The following COL11A1 variants were observed in gnomAD, a reference collection of about 807,000 sequenced individuals.
COL11A1 encodes collagen alpha-1(XI) chain.
In COL11A1, 74 loss-of-function variants were observed where a neutral mutation model predicts 265.2. That is an observed-to-expected ratio of 0.28 (90% CI 0.23 to 0.34). The LOEUF (loss-of-function observed/expected upper bound fraction) is 0.34. COL11A1 is among the 10% of genes least tolerant of loss of function. The pLI is 1.00. For synonymous variants in COL11A1, 816 were observed against 727.6 expected, an observed-to-expected ratio of 1.12 and a Z score of -1.96; for missense variants, 2,165 against 2,263.6, an observed-to-expected ratio of 0.96 and a Z score of 0.88.
intron 4 of COL11A1, among the ~76,000 whole-genome samples, chr1:103,044,079 T>C (rs1008378496): frequency 6.6e-6 from 1 of 151,768 alleles, no homozygotes; most frequent in African/African-American, 2.4e-5. Flanking sequence ...TCTTAAGAAG[T>C]AACTACCATA....
At chr1:103,027,396 A>AAAATATATATAT (rs1421941501) in intron 5 of COL11A1, among the ~76,000 whole-genome samples, 39 of 92,062 alleles carry the variant, frequency 4.2e-4, no homozygotes, top group East Asian at 8.9e-4. Flanking sequence ...TTAAAACTCT[A>AAAATATATATAT]ATATATATAT....
intron 54 of COL11A1, among the ~76,000 whole-genome samples, chr1:102,906,673 T>C (rs1654021082): frequency 1.3e-5 from 2 of 152,196 alleles, no homozygotes; most frequent in African/African-American, 2.4e-5. Context: ...GTGCTGGGAT[T>C]ACAGGTGTCA....
At chr1:103,091,286 T>A (rs949541894) in intron 1 of COL11A1, among the ~76,000 whole-genome samples, 6 of 152,206 alleles carry the variant, frequency 3.9e-5, no homozygotes, top group African/African-American at 1.4e-4. Flanking sequence ...CCATGAATTA[T>A]ATATGAATAT....
Position 103,050,764 on chromosome 1 carries a change from T to C in COL11A1, c.652-19520A>G, listed in dbSNP as rs371497193. Among the ~76,000 whole-genome samples the C allele has an allele frequency of 2.0e-4, 31 of 152,298 alleles. No homozygotes were observed. In the East Asian group the frequency reaches 2.9e-3, roughly 14 times the overall value. On this transcript the variant is annotated intron_variant, in intron 4 of 66. Transcript: ENST00000370096. ...CCTTTGGTCTTTGATGATGGTGACG[T>C]ACAGATGGGTTTTTGGTGTGGATGT...
At chr1:103,023,850 T>C (rs1667304592) in intron 7 of COL11A1, among the ~76,000 whole-genome samples, 1 of 151,670 alleles carries the variant, frequency 6.6e-6, no homozygotes, top group Admixed American at 6.6e-5. Flanking sequence ...CACCAAAGAG[T>C]TCTTTAAAGC....
chr1:103,002,092 A>T, intron 23 of COL11A1, 123 bp from the exon 24 acceptor site: 1 of 845,774 alleles, frequency 1.2e-6, no homozygotes, highest in Non-Finnish European at 2.0e-6. Flanking sequence ...ATATTCCCAT[A>T]CACCCCAAGG....
At chr1:103,059,503 TAC>T (rs2102188523) in intron 4 of COL11A1, among the ~76,000 whole-genome samples, 1 of 152,236 alleles carries the variant, frequency 6.6e-6, no homozygotes, top group East Asian at 1.9e-4. Context: ...GAAAAGAAAC[TAC>T]AGTTTAAAGA....
intron 37 of COL11A1, among the ~76,000 whole-genome samples, chr1:102,967,319 C>T (rs1028979421): frequency 1.5e-5 from 2 of 134,778 alleles, no homozygotes; most frequent in Admixed American, 8.4e-5. Flanking sequence ...CGGCTCACTG[C>T]AAGCTCCGCC....
chr1:102,890,286 C>T (rs1204419110), intron 58 of COL11A1, among the ~76,000 whole-genome samples, 165 bp downstream of exon 58: 1 of 152,026 alleles, frequency 6.6e-6, no homozygotes, highest in Non-Finnish European at 1.5e-5. Context: ...TGCATATTTT[C>T]TCCCCTCTAC....
chr1:103,078,637 T>C (rs1672163174), intron 3 of COL11A1, 21 bp downstream of exon 3: 1 of 1,597,244 alleles, frequency 6.3e-7, no homozygotes. Context: ...AGCTAAAACA[T>C]TGTATTATTT....
At chr1:103,048,742 A>G (rs773053773) in intron 4 of COL11A1, among the ~76,000 whole-genome samples, 84 of 152,134 alleles carry the variant, frequency 5.5e-4, no homozygotes, top group Non-Finnish European at 1.1e-3. Flanking sequence ...TTTTAGTGCT[A>G]TAAATTTCCC....
chr1:102,888,477 G>T, intron 62 of COL11A1, 100 bp downstream of exon 62: 1 of 1,094,070 alleles, frequency 9.1e-7, no homozygotes, highest in Non-Finnish European at 1.4e-6. Context: ...CAGCACTTTT[G>T]GCAGAATGTG....
At chr1:103,104,506 C>T (rs1482069286) in intron 1 of COL11A1, among the ~76,000 whole-genome samples, 7 of 152,096 alleles carry the variant, frequency 4.6e-5, no homozygotes, top group Middle Eastern at 3.2e-3. Flanking sequence ...TACTGCATAA[C>T]TTTGTTTAAA....
At chr1:103,052,515 C>T (rs1669911833) in intron 4 of COL11A1, among the ~76,000 whole-genome samples, 1 of 152,020 alleles carries the variant, frequency 6.6e-6, no homozygotes, top group Non-Finnish European at 1.5e-5. Flanking sequence ...AGTTATTATT[C>T]CCCCCTTGAA....
intron 22 of COL11A1, 68 bp from the exon 23 acceptor site, chr1:103,002,549 T>C: frequency 7.3e-7 from 1 of 1,375,706 alleles, no homozygotes; most frequent in South Asian, 1.2e-5. Flanking sequence ...TTCTTCTCAA[T>C]TGGAAAATAC....
chr1:103,003,076 A>G, intron 21 of COL11A1, 139 bp downstream of exon 21: 1 of 878,986 alleles, frequency 1.1e-6, no homozygotes, highest in African/African-American at 1.7e-5. Context: ...GATGAGTTAA[A>G]GTGAAAGGCA....
intron 11 of COL11A1, among the ~76,000 whole-genome samples, chr1:103,016,983 A>T: frequency 6.6e-6 from 1 of 151,994 alleles, no homozygotes; most frequent in South Asian, 2.1e-4. Flanking sequence ...TACAGAATAT[A>T]AAAAGGTCTT....
intron 4 of COL11A1, among the ~76,000 whole-genome samples, chr1:103,058,794 T>A (rs1261789059): frequency 6.6e-6 from 1 of 152,110 alleles, no homozygotes; most frequent in Non-Finnish European, 1.5e-5. Flanking sequence ...ACATTATTAT[T>A]ATATATAAGA....
At chr1:103,067,846 A>T (rs1212941123) in intron 4 of COL11A1, among the ~76,000 whole-genome samples, 2 of 151,672 alleles carry the variant, frequency 1.3e-5, no homozygotes, top group African/African-American at 4.8e-5. Flanking sequence ...CCAACAACTT[A>T]GTTGAACTAG....
Sources: gnomAD v4.1 joint callset for allele counts (sites outside exome capture counted in the v4.1 genomes callset) on GRCh38, gnomAD v4.1.1 for gene constraint, MANE v1.5 for transcripts, NCBI Gene and HGNC (gene_info 2026-07-23, HGNC 2026-07-21) for gene names.